AQR: variants seen among roughly 807,000 people sequenced by gnomAD.
The protein encoded by AQR is RNA helicase aquarius.
AQR carries 61 observed loss-of-function variants against 180.5 expected under a neutral mutation model. That is an observed-to-expected ratio of 0.34 (90% CI 0.28 to 0.42). The LOEUF (loss-of-function observed/expected upper bound fraction) is 0.42. AQR is among the 10% of genes least tolerant of loss of function. The pLI, the probability that AQR is intolerant of heterozygous loss-of-function variation, is 1.00. For missense variants in AQR, 1,281 were observed against 1,798.3 expected, an observed-to-expected ratio of 0.71 and a Z score of 5.20; for synonymous variants, 551 against 588.8, an observed-to-expected ratio of 0.94 and a Z score of 0.93.
At chr15:34,875,569 C>T (rs1724867306) in intron 28 of AQR, among the ~76,000 whole-genome samples, 1 of 151,624 alleles carries the variant, frequency 6.6e-6, no homozygotes, top group Non-Finnish European at 1.5e-5. Flanking sequence ...AAAAGCAATG[C>T]ACTCAGTGAA....
intron 2 of AQR, among the ~76,000 whole-genome samples, chr15:34,962,778 A>T (rs895268622): frequency 2.0e-5 from 3 of 152,152 alleles, no homozygotes; most frequent in Non-Finnish European, 1.5e-5. Context: ...TCCAAAAAAA[A>T]AAAATAAATA....
Position 34,964,236 on chromosome 15 carries a change from T to G in AQR, c.130A>C (p.Lys44Gln), listed in dbSNP as rs780989623. The change falls in exon 2 of 35, where the codon AAG (lysine) becomes CAG (glutamine). Residue 44 changes from lysine to glutamine, a missense_variant and splice_region_variant. Around this residue, in one of 9 missense-constraint regions of AQR, gnomAD observed 404 missense variants for 490.9 expected, o/e 0.82. Coordinates refer to ENST00000156471, the MANE Select transcript of AQR (RefSeq NM_014691.3). ...ATGTTGAAACCAAAAATACTTACCT[T>G]TATATCAAAAGGTGATTTCTTCTTG... ...HIKKKSPFDI[K>Q]VIEDIYEKEI... 1.2e-6 allele frequency: 2 copies of G among 1,600,818 alleles called. No individual in the cohort carries two copies. Among genetic ancestry groups the G allele is most frequent in the Non-Finnish European group, 1.7e-6 (2 of 1,169,732 alleles).
At chr15:34,858,801 A>G (rs1191634443) in intron 34 of AQR, among the ~76,000 whole-genome samples, 1 of 152,254 alleles carries the variant, frequency 6.6e-6, no homozygotes, top group Non-Finnish European at 1.5e-5. Flanking sequence ...GTCAATTGAT[A>G]TTTTGACTAA....
chr15:34,927,318 C>A (rs959749343), intron 12 of AQR, among the ~76,000 whole-genome samples, 180 bp from the exon 13 acceptor site: 1 of 152,078 alleles, frequency 6.6e-6, no homozygotes, highest in Non-Finnish European at 1.5e-5. Flanking sequence ...GAAAAAACTA[C>A]AACTGTCATA....
At chr15:34,961,479 G>A (rs565681486) in intron 2 of AQR, among the ~76,000 whole-genome samples, 86 of 151,824 alleles carry the variant, frequency 5.7e-4, no homozygotes, top group African/African-American at 1.5e-3. Context: ...GCGTGGTGGC[G>A]CACACCTGCA....
At position 34,918,257 on chromosome 15, in the gene AQR, C is replaced by T. The variant is rs1893626743; in HGVS notation, c.1342+1G>A. The T allele has an allele frequency of 6.2e-7, 1 of 1,611,678 alleles. No homozygotes were observed. The highest frequency in any genetic ancestry group is 8.5e-7 in the Non-Finnish European group (1 of 1,179,366). On this transcript the variant is annotated splice_donor_variant, in intron 15 of 34. Transcript: ENST00000156471. LOFTEE classifies it high-confidence loss of function. Reference sequence around the variant, plus strand: ...GCTGAATCCATACTTCTTTACCATACCTTCTCCAGAATAGTACTCAGTTGG... The same window carrying T: ...GCTGAATCCATACTTCTTTACCATATCTTCTCCAGAATAGTACTCAGTTGG...
chr15:34,961,854 C>T (rs1171631478), intron 2 of AQR, among the ~76,000 whole-genome samples: 1 of 151,764 alleles, frequency 6.6e-6, no homozygotes, highest in East Asian at 1.9e-4. Context: ...TAAAATAAGA[C>T]AGGGCATATA....
chr15:34,926,221 G>A (rs1002808738), intron 13 of AQR, among the ~76,000 whole-genome samples: 1 of 151,804 alleles, frequency 6.6e-6, no homozygotes, highest in Non-Finnish European at 1.5e-5. Context: ...CCTGTTTAAT[G>A]GAACTCTATG....
rs577425878 is a variant in AQR at position 34,957,594 on chromosome 15, G to A, written c.173+3180C>T. 6.0e-5 allele frequency among the ~76,000 whole-genome samples: 9 copies of A among 150,876 alleles called. No individual in the cohort carries two copies. In the South Asian group the frequency reaches 1.0e-3, roughly 18 times the overall value. ...AGCATGCCTGTAATCCCTGCTACTC[G>A]GGAGGCTGAGGCAGGAGAATCACTT... On this transcript the variant is annotated intron_variant, in intron 3 of 34. Transcript: ENST00000156471.
intron 3 of AQR, among the ~76,000 whole-genome samples, chr15:34,958,915 C>T (rs1894370997): frequency 6.6e-6 from 1 of 152,068 alleles, no homozygotes; most frequent in Non-Finnish European, 1.5e-5. Flanking sequence ...TGTCTCTATC[C>T]TCTAACCACA....
At chr15:34,907,685 T>C (rs1893438948) in intron 17 of AQR, among the ~76,000 whole-genome samples, 1 of 152,168 alleles carries the variant, frequency 6.6e-6, no homozygotes, top group Admixed American at 6.5e-5. Context: ...CCCAATAAAT[T>C]CTATGCAAAG....
chr15:34,964,759 TA>T lies in AQR; in HGVS notation c.76-470del, dbSNP rs34620759. 5.8e-3 allele frequency among the ~76,000 whole-genome samples: 843 copies of T among 146,272 alleles called. 7 individuals are homozygous for T. Among genetic ancestry groups the T allele is most frequent in the African/African-American group, 0.019 (733 of 39,508 alleles). On this transcript the variant is annotated intron_variant, in intron 1 of 34. Transcript: ENST00000156471. ...ATTAGTTCACACCCATAACAAAACC[TA>T]AAAAAAAAAAAAATTGTAGTCTATC...
intron 3 of AQR, among the ~76,000 whole-genome samples, chr15:34,957,064 A>C (rs1894331077): frequency 6.6e-6 from 1 of 152,246 alleles, no homozygotes. Flanking sequence ...TGGCTGTTAC[A>C]TCAAGCCATT....
chr15:34,855,818 G>C lies in AQR; in HGVS notation c.*974C>G, dbSNP rs1430340814. The stretch of plus-strand genomic sequence containing the variant: ...ACTTCAATACGATGTTGATGCTGTT[G>C]GTTCACAAATCATACTTGAGTAGCA... On this transcript the variant is annotated 3_prime_UTR_variant, in exon 35 of 35. Transcript: ENST00000156471. 6.6e-6 allele frequency: 1 copy of C among 152,110 alleles called. No homozygotes were observed. 9.4% of individuals were successfully genotyped at this position (152,110 alleles called of 1,614,324 possible). A position where few individuals can be genotyped will look rare whatever the true frequency, so the allele number is the denominator to read the frequency against.
chr15:34,933,272 T>G (rs932877097), intron 10 of AQR, among the ~76,000 whole-genome samples: 1 of 152,188 alleles, frequency 6.6e-6, no homozygotes, highest in African/African-American at 2.4e-5. Context: ...AAAGATCTCA[T>G]GAATGACTGC....
chr15:34,918,278 G>T lies in AQR; in HGVS notation c.1322C>A (p.Thr441Asn). Residue 441 changes from threonine to asparagine, a missense_variant, in exon 15 of 35, where the codon ACT (threonine) becomes AAT (asparagine). By Grantham distance (65) the Thr-to-Asn change is moderately conservative. Coordinates refer to ENST00000156471, the MANE Select transcript of AQR (RefSeq NM_014691.3). ...CATACCTTCTCCAGAATAGTACTCA[G>T]TTGGGACAATATTTTCATCCCATAT... Reference protein sequence around the residue: ...KIIWDENIVPTEYYSGEGCLA... With the variant: ...KIIWDENIVPNEYYSGEGCLA... The T allele has an allele frequency of 6.2e-7, 1 of 1,613,506 alleles. No individual in the cohort carries two copies. The highest frequency in any genetic ancestry group is 8.5e-7 in the Non-Finnish European group (1 of 1,179,744).
intron 22 of AQR, among the ~76,000 whole-genome samples, chr15:34,895,209 T>A (rs1404599835): frequency 4.2e-4 from 31 of 73,682 alleles, no homozygotes; most frequent in Non-Finnish European, 5.9e-4. Context: ...TATATATATA[T>A]ATATATATAT....
intron 22 of AQR, among the ~76,000 whole-genome samples, 194 bp from the exon 23 acceptor site, chr15:34,893,967 G>GA (rs549574292): frequency 9.6e-4 from 145 of 151,434 alleles, no homozygotes; most frequent in African/African-American, 3.3e-3. Context: ...CTGAATAACA[G>GA]AAAAAAAGAT....
chr15:34,914,979 C>T, intron 16 of AQR, 59 bp downstream of exon 16: 1 of 1,506,570 alleles, frequency 6.6e-7, no homozygotes, highest in Admixed American at 2.3e-5. Flanking sequence ...AGGTTTCTGA[C>T]AGAAGTTTAT....
Sources: gnomAD v4.1 joint callset for allele counts (sites outside exome capture counted in the v4.1 genomes callset) on GRCh38, gnomAD v4.1.1 for gene constraint, gnomAD v4.1.1 regional missense constraint, MANE v1.5 for transcripts, NCBI Gene and HGNC (gene_info 2026-07-23, HGNC 2026-07-21) for gene names.